IQCM: variants seen among roughly 807,000 people sequenced by gnomAD.
IQCM encodes IQ domain-containing protein M.
IQCM carries 45 observed loss-of-function variants against 57.6 expected under a neutral mutation model. That is an observed-to-expected ratio of 0.78 (90% CI 0.62 to 1.00). IQCM has a LOEUF of 1.00. Ranked by LOEUF, IQCM falls within the 50% of genes least tolerant of loss-of-function variation. The pLI is 0.00. For synonymous variants in IQCM, 148 were observed against 158.9 expected (o/e 0.93, Z 0.51); for missense variants, 468 against 511.6 (o/e 0.91, Z 0.82).
At chr4:149,805,472 C>T (rs116806086) in intron 2 of IQCM, among the ~76,000 whole-genome samples, 1,539 of 152,126 alleles carry the variant, frequency 0.01, 23 homozygotes, top group African/African-American at 0.036. Flanking sequence ...GAGGAACAAA[C>T]ATCCTGAAGA....
intron 2 of IQCM, among the ~76,000 whole-genome samples, chr4:149,803,575 C>T (rs1290720463): frequency 6.6e-6 from 1 of 151,920 alleles, no homozygotes; most frequent in Non-Finnish European, 1.5e-5. Context: ...ATGTTTGTCT[C>T]GTCTCTTCAG....
chr4:149,593,994 C>G (rs1290005010), intron 8 of IQCM, among the ~76,000 whole-genome samples: 1 of 152,130 alleles, frequency 6.6e-6, no homozygotes, highest in Non-Finnish European at 1.5e-5. Context: ...GGAGGATTCC[C>G]TCTTTTTCTA....
intron 13 of IQCM, among the ~76,000 whole-genome samples, chr4:149,384,789 A>G (rs1316239802): frequency 6.6e-6 from 1 of 151,714 alleles, no homozygotes; most frequent in Non-Finnish European, 1.5e-5. Flanking sequence ...CCCCAGTTAT[A>G]AACCTAAGAG....
intron 12 of IQCM, among the ~76,000 whole-genome samples, chr4:149,524,043 T>C (rs1338557003): frequency 6.6e-6 from 1 of 152,106 alleles, no homozygotes; most frequent in East Asian, 1.9e-4. Context: ...TTATGATAGA[T>C]AAATTCAAAT....
intron 9 of IQCM, among the ~76,000 whole-genome samples, chr4:149,567,511 TA>T (rs1183287875): frequency 6.6e-6 from 1 of 151,946 alleles, no homozygotes; most frequent in African/African-American, 2.4e-5. Flanking sequence ...CACACACAGC[TA>T]ATTTTTTGTA....
chr4:149,409,395 C>T (rs1733213088), intron 13 of IQCM, among the ~76,000 whole-genome samples: 1 of 152,230 alleles, frequency 6.6e-6, no homozygotes, highest in Non-Finnish European at 1.5e-5. Flanking sequence ...CCGATGGCTG[C>T]ACGCTGAGTC....
chr4:149,458,367 A>G (rs1271396420), intron 12 of IQCM, among the ~76,000 whole-genome samples: 1 of 152,056 alleles, frequency 6.6e-6, no homozygotes, highest in Non-Finnish European at 1.5e-5. Context: ...AAATGATAAA[A>G]GCTCTTAAGA....
chr4:149,437,981 C>G (rs2111307277), intron 12 of IQCM, among the ~76,000 whole-genome samples: 1 of 152,130 alleles, frequency 6.6e-6, no homozygotes, highest in African/African-American at 2.4e-5. Flanking sequence ...AGACACAATA[C>G]TTTAAAAAGG....
intron 6 of IQCM, among the ~76,000 whole-genome samples, chr4:149,682,810 T>C (rs1762277503): frequency 6.6e-6 from 1 of 151,200 alleles, no homozygotes; most frequent in Admixed American, 6.6e-5. Context: ...GCTCATTGTA[T>C]AAATGAAGAA....
At chr4:149,764,575 G>A (rs1769858438) in intron 2 of IQCM, among the ~76,000 whole-genome samples, 1 of 152,064 alleles carries the variant, frequency 6.6e-6, no homozygotes, top group African/African-American at 2.4e-5. Flanking sequence ...TTCACATTTT[G>A]TATGACTCCC....
chr4:149,755,429 G>T (rs1040094564), intron 2 of IQCM, among the ~76,000 whole-genome samples: 7 of 152,088 alleles, frequency 4.6e-5, no homozygotes, highest in African/African-American at 1.7e-4. Flanking sequence ...TTTCCCAGCT[G>T]CTCTGGTCAG....
chr4:149,560,180 A>G (rs185755312), intron 10 of IQCM, among the ~76,000 whole-genome samples: 1 of 152,332 alleles, frequency 6.6e-6, no homozygotes, highest in African/African-American at 2.4e-5. Flanking sequence ...TTCTTTTGAG[A>G]TAATGATAGG....
intron 2 of IQCM, among the ~76,000 whole-genome samples, chr4:149,807,188 C>T (rs956069966): frequency 6.6e-6 from 1 of 151,534 alleles, no homozygotes; most frequent in Non-Finnish European, 1.5e-5. Flanking sequence ...CATGAAAGAC[C>T]CCAAATAGCT....
At chr4:149,681,545 C>T (rs1415874890) in intron 7 of IQCM, among the ~76,000 whole-genome samples, 1 of 151,010 alleles carries the variant, frequency 6.6e-6, no homozygotes, top group African/African-American at 2.4e-5. Flanking sequence ...TGCAAAAGTG[C>T]CTTGAGAACC....
intron 12 of IQCM, among the ~76,000 whole-genome samples, chr4:149,470,540 C>T (rs1045529095): frequency 1.3e-5 from 2 of 152,106 alleles, no homozygotes; most frequent in Admixed American, 6.5e-5. Context: ...TTTGACACCC[C>T]ACTGTCGACA....
intron 12 of IQCM, among the ~76,000 whole-genome samples, chr4:149,538,857 C>T (rs1397349919): frequency 1.3e-5 from 2 of 151,708 alleles, no homozygotes; most frequent in East Asian, 1.9e-4. Flanking sequence ...TTCAGGAATG[C>T]CATTAAGAAA....
chr4:149,677,974 T>C (rs1761892057), intron 7 of IQCM, among the ~76,000 whole-genome samples: 1 of 151,208 alleles, frequency 6.6e-6, no homozygotes, highest in Admixed American at 6.6e-5. Flanking sequence ...TATTTGAAAA[T>C]ACATGGAGAA....
At chr4:149,569,162 A>T (rs752435448) in intron 9 of IQCM, among the ~76,000 whole-genome samples, 2 of 152,228 alleles carry the variant, frequency 1.3e-5, no homozygotes, top group East Asian at 3.9e-4. Context: ...CCAGATCATC[A>T]TCATTGTTGC....
Position 149,615,725 on chromosome 4 carries a change from GACTA to G in IQCM, c.681+5400_681+5403del, listed in dbSNP as rs1377444198. Reference sequence around the variant, plus strand: ...TTTTAGCAAATTAAAATTTTGATAAGACTAACTAAGTTGTAAAGAGTTCTTCTAA... The same window carrying G: ...TTTTAGCAAATTAAAATTTTGATAAGACTAAGTTGTAAAGAGTTCTTCTAA... On this transcript the variant is annotated intron_variant, in intron 8 of 13. Coordinates refer to ENST00000636793, the MANE Select transcript of IQCM (RefSeq NM_001363507.2). 3.0e-4 allele frequency among the ~76,000 whole-genome samples: 46 copies of G among 152,216 alleles called. 1 individual carries two copies. The highest frequency in any genetic ancestry group is 1.4e-3 in the South Asian group (7 of 4,828).
Sources: gnomAD v4.1 joint callset for allele counts (sites outside exome capture counted in the v4.1 genomes callset) on GRCh38, gnomAD v4.1.1 for gene constraint, MANE v1.5 for transcripts, NCBI Gene and HGNC (gene_info 2026-07-23, HGNC 2026-07-21) for gene names.